Variants in DENND5A observed in about 807,000 individuals in gnomAD.
DENND5A encodes the protein DENN domain containing 5A.
Under a neutral mutation model 140.3 loss-of-function variants are expected in DENND5A, and 64 were observed. That is an observed-to-expected ratio of 0.46 (90% CI 0.37 to 0.56). DENND5A has a LOEUF of 0.56. Among genes scored for constraint, DENND5A ranks in the 20% least tolerant of loss-of-function variants. The probability of loss-of-function intolerance (pLI) is 0.00; values close to 1 mark genes in which losing one functional copy is unlikely to be tolerated. For synonymous variants in DENND5A, 605 were observed against 607.7 expected, an observed-to-expected ratio of 1.00 and a Z score of 0.07; for missense variants, 1,292 against 1,593.8, an observed-to-expected ratio of 0.81 and a Z score of 3.22.
At chr11:9,164,066 T>TTTG (rs1848092599) in intron 11 of DENND5A, among the ~76,000 whole-genome samples, 2 of 86,016 alleles carry the variant, frequency 2.3e-5, no homozygotes. Context: ...GTTTTTTTTT[T>TTTG]TTTTTTTTTT....
intron 16 of DENND5A, 168 bp downstream of exon 16, chr11:9,146,862 C>T: frequency 4.3e-6 from 3 of 702,672 alleles, no homozygotes; most frequent in Non-Finnish European, 7.1e-6. Flanking sequence ...TCAGAGAAAA[C>T]ACAGCCTCCA....
At chr11:9,198,290 G>T (rs766739951) in intron 4 of DENND5A, among the ~76,000 whole-genome samples, 8 of 151,216 alleles carry the variant, frequency 5.3e-5, no homozygotes, top group African/African-American at 1.9e-4. Context: ...CTTTTGCAAG[G>T]TTCTTTATCA....
intron 4 of DENND5A, among the ~76,000 whole-genome samples, chr11:9,198,256 C>T (rs1849399063): frequency 6.6e-6 from 1 of 151,606 alleles, no homozygotes; most frequent in Non-Finnish European, 1.5e-5. Flanking sequence ...CTACAAAAAT[C>T]TAGAAGTAGT....
At chr11:9,189,632 G>A (rs112444857) in intron 5 of DENND5A, among the ~76,000 whole-genome samples, 1 of 147,056 alleles carries the variant, frequency 6.8e-6, no homozygotes, top group African/African-American at 2.5e-5. Context: ...TTTTTTTTTG[G>A]TTTTTTTGTT....
At chr11:9,189,550 G>C (rs1052680295) in intron 5 of DENND5A, among the ~76,000 whole-genome samples, 2 of 151,620 alleles carry the variant, frequency 1.3e-5, no homozygotes, top group African/African-American at 4.8e-5. Context: ...GCTGTACCCT[G>C]CAAAGCCACA....
chr11:9,159,858 T>C lies in DENND5A; in HGVS notation c.2436+855A>G, dbSNP rs750315171. On this transcript the variant is annotated intron_variant, in intron 12 of 22. Transcript: ENST00000328194. ...TTTAACTACTCCAGTGGATGTGAAA[T>C]AGTATCTCATTGTGGTTCCACTGGG... Among the ~76,000 whole-genome samples the C allele has an allele frequency of 7.2e-5, 11 of 152,346 alleles. No individual in the cohort carries two copies. In the Middle Eastern group the frequency reaches 0.014, roughly 188 times the overall value.
At chr11:9,236,964 C>T (rs1267944867) in intron 1 of DENND5A, among the ~76,000 whole-genome samples, 4 of 151,812 alleles carry the variant, frequency 2.6e-5, no homozygotes, top group Non-Finnish European at 5.9e-5. Context: ...ACAAAATATT[C>T]GTAACAGAAA....
At position 9,145,663 on chromosome 11, in the gene DENND5A, C is replaced by G; in HGVS notation, c.3003+7G>C. 2 of 1,614,082 alleles carry G rather than the reference C, an allele frequency of 1.2e-6. No individual in the cohort carries two copies. The highest frequency in any genetic ancestry group is 1.7e-6 in the Non-Finnish European group (2 of 1,179,958). ...CCCACAGAGCTGTGGCCCCAAATAACACATACCTCGAAGGTCATCTCTAGC... is the reference window on the plus strand; with the variant it reads ...CCCACAGAGCTGTGGCCCCAAATAAGACATACCTCGAAGGTCATCTCTAGC... On this transcript the variant is annotated splice_region_variant and intron_variant, in intron 17 of 22. Coordinates refer to ENST00000328194, the MANE Select transcript of DENND5A (RefSeq NM_015213.4).
intron 1 of DENND5A, among the ~76,000 whole-genome samples, chr11:9,210,040 G>A (rs933662150): frequency 1.3e-5 from 2 of 152,040 alleles, no homozygotes; most frequent in African/African-American, 4.8e-5. Context: ...CCGGGGGATG[G>A]AGGTTGCAGT....
intron 18 of DENND5A, 82 bp downstream of exon 18, chr11:9,144,913 G>C (rs887133908): frequency 3.8e-5 from 38 of 991,178 alleles, no homozygotes; most frequent in Middle Eastern, 2.3e-4. Flanking sequence ...GGGTCTCCTT[G>C]GGAACTCCAC....
intron 5 of DENND5A, among the ~76,000 whole-genome samples, chr11:9,188,254 T>C (rs532849402): frequency 6.6e-6 from 1 of 152,320 alleles, no homozygotes; most frequent in Non-Finnish European, 1.5e-5. Context: ...CATGTAAACA[T>C]GATTTGCTCC....
At chr11:9,171,848 G>A (rs1278272235) in intron 8 of DENND5A, 5 of 152,150 alleles carry the variant, frequency 3.3e-5, no homozygotes, top group Non-Finnish European at 7.3e-5. Flanking sequence ...GGGCAACAAA[G>A]CAGAACCTCT....
intron 1 of DENND5A, among the ~76,000 whole-genome samples, chr11:9,249,928 C>T (rs534022526): frequency 6.6e-6 from 1 of 152,022 alleles, no homozygotes; most frequent in African/African-American, 2.4e-5. Context: ...TTCCAGGGAT[C>T]CTCCTACCTC....
chr11:9,160,020 A>T (rs760767945), intron 12 of DENND5A, among the ~76,000 whole-genome samples: 5 of 152,238 alleles, frequency 3.3e-5, no homozygotes. Context: ...TTGTTCACTG[A>T]GGTATTTCTA....
chr11:9,235,123 AATTCCATT>A (rs1850947016), intron 1 of DENND5A, among the ~76,000 whole-genome samples: 1 of 152,190 alleles, frequency 6.6e-6, no homozygotes, highest in Admixed American at 6.5e-5. Context: ...ATGACCCATC[AATTCCATT>A]CTTGGATATA....
chr11:9,212,451 C>T (rs1295936594), intron 1 of DENND5A, among the ~76,000 whole-genome samples: 3 of 151,838 alleles, frequency 2.0e-5, no homozygotes, highest in South Asian at 2.1e-4. Flanking sequence ...AGTATAAATG[C>T]CAATAAAATA....
intron 2 of DENND5A, 77 bp from the exon 3 acceptor site, chr11:9,206,859 TAGTCCAGC>T: frequency 1.9e-6 from 2 of 1,078,976 alleles, no homozygotes; most frequent in Non-Finnish European, 2.9e-6. Flanking sequence ...CTGAGCTTGG[TAGTCCAGC>T]AAGGTACAGA....
At chr11:9,166,391 T>G (rs1423522870) in intron 10 of DENND5A, among the ~76,000 whole-genome samples, 2 of 152,194 alleles carry the variant, frequency 1.3e-5, no homozygotes, top group African/African-American at 2.4e-5. Context: ...TTCTCGCACT[T>G]TCTTAGCTGC....
chr11:9,145,705 G>T lies in DENND5A; in HGVS notation c.2968C>A (p.Gln990Lys). 6.2e-7 allele frequency: 1 copy of T among 1,614,190 alleles called. No individual in the cohort carries two copies. The highest frequency in any genetic ancestry group is 8.5e-7 in the Non-Finnish European group (1 of 1,180,016). The change falls in exon 17 of 23, where the codon CAG (glutamine) becomes AAG (lysine). Residue 990 changes from glutamine to lysine, a missense_variant. Coordinates refer to ENST00000328194, the MANE Select transcript of DENND5A (RefSeq NM_015213.4). ...SGELGETQIM[Q>K]IPRNVLEMTF... ...ATCTCTAGCACATTCCTGGGAATCT[G>T]CATGATCTGTGTCTCACCCAATTCT... is the stretch of plus-strand genomic sequence containing the variant.
Sources: allele counts gnomAD v4.1 joint callset (sites outside exome capture counted in the v4.1 genomes callset), GRCh38; gene constraint gnomAD v4.1.1; transcripts MANE v1.5; gene names NCBI Gene and HGNC (gene_info 2026-07-23, HGNC 2026-07-21).